Variants in CCSER1 observed in about 807,000 individuals in gnomAD.
CCSER1 encodes serine-rich coiled-coil domain-containing protein 1.
Under a neutral mutation model 82.0 loss-of-function variants are expected in CCSER1, and 41 were observed. The ratio of observed to expected loss-of-function variants is 0.50; its 90% CI spans 0.39 to 0.65. The LOEUF is 0.65. CCSER1 is among the 30% of genes least tolerant of loss of function. The probability of loss-of-function intolerance (pLI) is 0.00; values close to 1 mark genes in which losing one functional copy is unlikely to be tolerated. For synonymous variants in CCSER1, 414 were observed against 383.9 expected, an observed-to-expected ratio of 1.08 and a Z score of -0.92; for missense variants, 1,119 against 1,064.2, an observed-to-expected ratio of 1.05 and a Z score of -0.72.
At chr4:90,363,691 T>C (rs935501250) in intron 3 of CCSER1, among the ~76,000 whole-genome samples, 2 of 152,150 alleles carry the variant, frequency 1.3e-5, no homozygotes, top group African/African-American at 4.8e-5. Context: ...AACAGAAAAC[T>C]GTGACATTAT....
intron 10 of CCSER1, among the ~76,000 whole-genome samples, chr4:91,496,621 TATATATTTGAATATATATATATTCA>T (rs1758842847): frequency 6.8e-5 from 1 of 14,678 alleles, no homozygotes; most frequent in Admixed American, 6.1e-4. Flanking sequence ...TATACACGAA[TATATATTTGAATATATATATATTCA>T]ATATATATTG....
intron 8 of CCSER1, chr4:90,911,428 C>A (rs1003697750): frequency 2.4e-6 from 1 of 415,040 alleles, no homozygotes; most frequent in South Asian, 1.7e-5. Flanking sequence ...TTGGCCTTGG[C>A]ATCATTAAGC....
rs1184742347 is a variant in CCSER1, at chr4:91,392,765, GAT to G, written c.2218-205805_2218-205804del. Among the ~76,000 whole-genome samples the G allele has an allele frequency of 5.3e-5, 8 of 152,090 alleles. No individual in the cohort carries two copies. In the East Asian group the frequency reaches 1.5e-3, roughly 29 times the overall value. On this transcript the variant is annotated intron_variant, in intron 10 of 10. Coordinates refer to ENST00000509176, the MANE Select transcript of CCSER1 (RefSeq NM_001145065.2). ...TGGATGTGGAAAATAGCAATGATCT[GAT>G]AAGTTTTGATTTATTCCAAAAGTCA...
At chr4:91,507,902 A>G (rs1759588860) in intron 10 of CCSER1, among the ~76,000 whole-genome samples, 1 of 151,298 alleles carries the variant, frequency 6.6e-6, no homozygotes, top group Non-Finnish European at 1.5e-5. Flanking sequence ...TAGAGATAAA[A>G]TTAATTTTGT....
chr4:91,159,078 T>G (rs994304398), intron 10 of CCSER1, among the ~76,000 whole-genome samples: 1 of 152,002 alleles, frequency 6.6e-6, no homozygotes, highest in Non-Finnish European at 1.5e-5. Context: ...CCATTGCTCA[T>G]TAAATTAAGG....
At chr4:90,811,914 C>T (rs1251913526) in intron 7 of CCSER1, among the ~76,000 whole-genome samples, 29 of 22,344 alleles carry the variant, frequency 1.3e-3, no homozygotes, top group African/African-American at 3.1e-3. Context: ...TATATATACA[C>T]ACACACACAC....
intron 9 of CCSER1, among the ~76,000 whole-genome samples, chr4:90,998,769 A>G (rs1403776192): frequency 1.3e-5 from 2 of 151,828 alleles, no homozygotes; most frequent in African/African-American, 2.4e-5. Flanking sequence ...TACATATGCA[A>G]GTTTGGTACC....
At chr4:91,092,752 C>A (rs896291107) in intron 10 of CCSER1, among the ~76,000 whole-genome samples, 1 of 152,096 alleles carries the variant, frequency 6.6e-6, no homozygotes, top group Admixed American at 6.5e-5. Flanking sequence ...TGAAGAAAGT[C>A]TTTTTCCTCT....
intron 10 of CCSER1, among the ~76,000 whole-genome samples, chr4:91,148,151 G>C (rs766465389): frequency 6.6e-6 from 1 of 152,132 alleles, no homozygotes; most frequent in Non-Finnish European, 1.5e-5. Flanking sequence ...TGCAATATAT[G>C]TAGTGCAAAA....
intron 7 of CCSER1, among the ~76,000 whole-genome samples, chr4:90,807,418 T>G (rs575436516): frequency 2.9e-4 from 44 of 152,258 alleles, no homozygotes; most frequent in African/African-American, 1.1e-3. Flanking sequence ...GCATCTTCCT[T>G]GTAGTCAAGC....
intron 10 of CCSER1, among the ~76,000 whole-genome samples, chr4:91,501,662 A>C (rs1225343370): frequency 6.6e-6 from 1 of 151,920 alleles, no homozygotes; most frequent in African/African-American, 2.4e-5. Context: ...CTGTACCTAT[A>C]CTTCTGCTTT....
At chr4:91,297,224 TTA>T (rs1264228351) in intron 10 of CCSER1, among the ~76,000 whole-genome samples, 3 of 149,550 alleles carry the variant, frequency 2.0e-5, no homozygotes, top group African/African-American at 7.7e-5. Flanking sequence ...TTTAATAAAC[TTA>T]TGTTATGTTT....
At chr4:91,388,081 A>G (rs1751415743) in intron 10 of CCSER1, among the ~76,000 whole-genome samples, 1 of 152,038 alleles carries the variant, frequency 6.6e-6, no homozygotes, top group Non-Finnish European at 1.5e-5. Flanking sequence ...ATTGATAATG[A>G]AATGGCAAAA....
intron 3 of CCSER1, among the ~76,000 whole-genome samples, chr4:90,342,988 G>A (rs1321556092): frequency 6.6e-6 from 1 of 151,826 alleles, no homozygotes; most frequent in African/African-American, 2.4e-5. Flanking sequence ...TATTGATTCT[G>A]GGTGCCTCTC....
chr4:90,607,650 A>G (rs1004259810), intron 5 of CCSER1, among the ~76,000 whole-genome samples: 1 of 152,132 alleles, frequency 6.6e-6, no homozygotes, highest in East Asian at 1.9e-4. Flanking sequence ...ATAGGGGCCC[A>G]TCGTTCTCTG....
chr4:91,320,541 C>T (rs1746126971), intron 10 of CCSER1, among the ~76,000 whole-genome samples: 1 of 152,018 alleles, frequency 6.6e-6, no homozygotes, highest in Admixed American at 6.6e-5. Context: ...TTCATGATAA[C>T]ATGTGCTGTT....
At chr4:90,551,945 G>T (rs1325993160) in intron 5 of CCSER1, among the ~76,000 whole-genome samples, 1 of 152,028 alleles carries the variant, frequency 6.6e-6, no homozygotes, top group Non-Finnish European at 1.5e-5. Flanking sequence ...GTTGTCTGCT[G>T]AGGGCTATTC....
intron 8 of CCSER1, among the ~76,000 whole-genome samples, chr4:90,849,590 C>G (rs1392687071): frequency 6.6e-6 from 1 of 151,864 alleles, no homozygotes; most frequent in South Asian, 2.1e-4. Context: ...GAGATCAAGA[C>G]CATCCTGGCT....
rs530915817 is a variant in CCSER1, at chr4:90,140,960, C to T, written c.-42+13129C>T. Among the ~76,000 whole-genome samples the T allele has an allele frequency of 1.1e-4, 16 of 151,886 alleles. No homozygotes were observed. In the South Asian group the frequency reaches 2.3e-3, roughly 22 times the overall value. ...GATTACCGGAGTGAGCCACCGCGCC[C>T]GGCCTTGGTCTACTTTTTTAGAATG... is the stretch of plus-strand genomic sequence containing the variant. On this transcript the variant is annotated intron_variant, in intron 1 of 10. Coordinates refer to ENST00000509176, the MANE Select transcript of CCSER1 (RefSeq NM_001145065.2).
Sources: allele counts gnomAD v4.1 joint callset (sites outside exome capture counted in the v4.1 genomes callset), GRCh38; gene constraint gnomAD v4.1.1; transcripts MANE v1.5; gene names NCBI Gene and HGNC (gene_info 2026-07-23, HGNC 2026-07-21).